LRRC4C: variants seen among roughly 807,000 people sequenced by gnomAD.
LRRC4C encodes leucine-rich repeat-containing protein 4C.
LRRC4C carries 5 observed loss-of-function variants against 33.6 expected under a neutral mutation model. The ratio of observed to expected loss-of-function variants is 0.15; its 90% CI spans 0.08 to 0.31. LRRC4C has a LOEUF of 0.31. LRRC4C is among the 10% of genes least tolerant of loss of function. The pLI, the probability that LRRC4C is intolerant of heterozygous loss-of-function variation, is 1.00. For synonymous variants in LRRC4C, 329 were observed against 302.0 expected (o/e 1.09, Z -0.93); for missense variants, 560 against 796.7 (o/e 0.70, Z 3.58).
intron 2 of LRRC4C, among the ~76,000 whole-genome samples, chr11:40,885,138 A>C (rs905191996): frequency 1.3e-5 from 2 of 152,124 alleles, no homozygotes; most frequent in African/African-American, 4.8e-5. Flanking sequence ...AACTGTTTGT[A>C]TTTAGGCTTA....
At chr11:41,288,490 G>C (rs569294199) in intron 1 of LRRC4C, among the ~76,000 whole-genome samples, 45 of 152,208 alleles carry the variant, frequency 3.0e-4, no homozygotes, top group African/African-American at 9.6e-4. Context: ...ATAGAGAGTG[G>C]GTGGAGGGAG....
At chr11:40,134,919 A>G (rs1320462122) in intron 6 of LRRC4C, among the ~76,000 whole-genome samples, 3 of 152,164 alleles carry the variant, frequency 2.0e-5, no homozygotes, top group Non-Finnish European at 4.4e-5. Flanking sequence ...AAATTCACCA[A>G]AATGACCCAC....
chr11:40,912,673 C>T (rs1210181449), intron 2 of LRRC4C, among the ~76,000 whole-genome samples: 2 of 152,130 alleles, frequency 1.3e-5, no homozygotes, highest in African/African-American at 4.8e-5. Flanking sequence ...ATCATAATGA[C>T]AGGATCAAAT....
At chr11:40,696,621 C>A (rs1257650291) in intron 2 of LRRC4C, among the ~76,000 whole-genome samples, 1 of 149,526 alleles carries the variant, frequency 6.7e-6, no homozygotes, top group African/African-American at 2.4e-5. Flanking sequence ...AACAAAGTGT[C>A]TTAGGCTAAT....
At chr11:40,355,899 C>T (rs563206617) in intron 3 of LRRC4C, among the ~76,000 whole-genome samples, 2 of 151,440 alleles carry the variant, frequency 1.3e-5, no homozygotes, top group Admixed American at 1.3e-4. Context: ...AGCCATTTTG[C>T]TTCATCTCCT....
intron 2 of LRRC4C, among the ~76,000 whole-genome samples, chr11:40,826,122 C>T (rs568596858): frequency 2.0e-5 from 3 of 152,028 alleles, no homozygotes; most frequent in African/African-American, 7.2e-5. Context: ...GAACTAACTG[C>T]TTGTTAAAGA....
intron 1 of LRRC4C, among the ~76,000 whole-genome samples, chr11:41,096,284 A>G (rs1940805769): frequency 6.6e-6 from 1 of 152,324 alleles, no homozygotes; most frequent in Non-Finnish European, 1.5e-5. Context: ...CAGGTCAAGG[A>G]TAATAATGTG....
chr11:41,136,378 A>C (rs1412207205), intron 1 of LRRC4C, among the ~76,000 whole-genome samples: 1 of 152,174 alleles, frequency 6.6e-6, no homozygotes, highest in Non-Finnish European at 1.5e-5. Flanking sequence ...ACTGCAACTC[A>C]GTTTATATTG....
chr11:40,317,767 T>C (rs1396710245), intron 4 of LRRC4C, among the ~76,000 whole-genome samples: 1 of 152,144 alleles, frequency 6.6e-6, no homozygotes, highest in East Asian at 1.9e-4. Context: ...CTACTCTTTT[T>C]ATTTAAAGGT....
intron 2 of LRRC4C, among the ~76,000 whole-genome samples, chr11:40,710,121 C>T (rs866928749): frequency 9.2e-5 from 14 of 152,218 alleles, no homozygotes; most frequent in Admixed American, 5.9e-4. Flanking sequence ...AGCTTCTTTG[C>T]GATGGGTTTG....
intron 2 of LRRC4C, among the ~76,000 whole-genome samples, chr11:40,823,545 A>G (rs1952031563): frequency 6.6e-6 from 1 of 151,854 alleles, no homozygotes; most frequent in South Asian, 2.1e-4. Context: ...AAATATTTTG[A>G]ATAGACATTT....
chr11:40,796,747 A>G (rs1280160539), intron 2 of LRRC4C, among the ~76,000 whole-genome samples: 1 of 150,018 alleles, frequency 6.7e-6, no homozygotes, highest in Non-Finnish European at 1.5e-5. Flanking sequence ...CCTGGGTTCA[A>G]CCGACTCTCC....
intron 1 of LRRC4C, among the ~76,000 whole-genome samples, chr11:41,093,429 C>T (rs1291066804): frequency 6.6e-6 from 1 of 152,206 alleles, no homozygotes; most frequent in African/African-American, 2.4e-5. Context: ...CACACAAATT[C>T]AGAAATTGTC....
chr11:41,451,393 A>G (rs573564716), intron 1 of LRRC4C, among the ~76,000 whole-genome samples: 3 of 152,032 alleles, frequency 2.0e-5, no homozygotes, highest in African/African-American at 7.2e-5. Flanking sequence ...GTGTGTGTGT[A>G]TGTGTATTTA....
At chr11:40,598,837 C>G (rs1959662237) in intron 3 of LRRC4C, among the ~76,000 whole-genome samples, 1 of 152,038 alleles carries the variant, frequency 6.6e-6, no homozygotes, top group Admixed American at 6.6e-5. Flanking sequence ...ACAGAAGGTG[C>G]TCTCACCCCC....
At chr11:41,142,252 G>A (rs1943539891) in intron 1 of LRRC4C, among the ~76,000 whole-genome samples, 2 of 152,134 alleles carry the variant, frequency 1.3e-5, no homozygotes, top group African/African-American at 4.8e-5. Flanking sequence ...CTAGGCATTA[G>A]GAATAGAAGG....
chr11:40,713,740 T>C (rs529340468), intron 2 of LRRC4C, among the ~76,000 whole-genome samples: 7 of 152,206 alleles, frequency 4.6e-5, no homozygotes, highest in African/African-American at 7.2e-5. Context: ...TTTAATTATA[T>C]CTGTATTTTC....
chr11:40,389,505 A>G (rs1328355868), intron 3 of LRRC4C, among the ~76,000 whole-genome samples: 1 of 151,776 alleles, frequency 6.6e-6, no homozygotes, highest in Non-Finnish European at 1.5e-5. Flanking sequence ...TTATTTTTTC[A>G]CTATTGTTTT....
At chr11:41,099,089 G>C (rs1940997657) in intron 1 of LRRC4C, among the ~76,000 whole-genome samples, 1 of 151,978 alleles carries the variant, frequency 6.6e-6, no homozygotes, top group Admixed American at 6.6e-5. Flanking sequence ...ACCTAGAAGA[G>C]ATGGATGAAT....
Sources: gnomAD v4.1 joint callset for allele counts (sites outside exome capture counted in the v4.1 genomes callset) on GRCh38, gnomAD v4.1.1 for gene constraint, MANE v1.5 for transcripts, NCBI Gene and HGNC (gene_info 2026-07-23, HGNC 2026-07-21) for gene names.